Variants in THSD7A observed in about 807,000 individuals in gnomAD.
THSD7A encodes thrombospondin type-1 domain-containing protein 7A.
Under a neutral mutation model 231.3 loss-of-function variants are expected in THSD7A, and 96 were observed. The ratio of observed to expected loss-of-function variants is 0.41; its 90% CI spans 0.35 to 0.49. The LOEUF is 0.49. Among genes scored for constraint, THSD7A ranks in the 20% least tolerant of loss-of-function variants. The probability of loss-of-function intolerance (pLI) is 0.05; values close to 1 mark genes in which losing one functional copy is unlikely to be tolerated. For synonymous variants in THSD7A, 940 were observed against 743.3 expected, an observed-to-expected ratio of 1.26 and a Z score of -4.30; for missense variants, 2,290 against 2,070.2, an observed-to-expected ratio of 1.11 and a Z score of -2.06.
At chr7:11,515,509 A>T (rs1424323967) in intron 6 of THSD7A, among the ~76,000 whole-genome samples, 1 of 152,150 alleles carries the variant, frequency 6.6e-6, no homozygotes, top group African/African-American at 2.4e-5. Flanking sequence ...TCAACAATTA[A>T]TTATGATCTA....
chr7:11,583,759 T>C (rs918191505), intron 4 of THSD7A, among the ~76,000 whole-genome samples: 1 of 152,216 alleles, frequency 6.6e-6, no homozygotes, highest in Non-Finnish European at 1.5e-5. Context: ...AGAGAGTTTT[T>C]GCATTTGTTT....
chr7:11,754,156 C>T (rs965072493), intron 1 of THSD7A, among the ~76,000 whole-genome samples: 2 of 151,828 alleles, frequency 1.3e-5, no homozygotes, highest in Admixed American at 6.6e-5. Context: ...TTTAAATAAT[C>T]TATTACAAAT....
At chr7:11,693,185 G>T (rs1780287249) in intron 1 of THSD7A, among the ~76,000 whole-genome samples, 2 of 151,502 alleles carry the variant, frequency 1.3e-5, no homozygotes, top group African/African-American at 4.8e-5. Context: ...ATTGCATTTT[G>T]ATTATATAGA....
rs191967184 is a variant in THSD7A at position 11,541,665 on chromosome 7, C to T, written c.1610-34G>A. 7.6e-6 allele frequency: 12 copies of T among 1,580,366 alleles called. No individual in the cohort carries two copies. The African/African-American group carries it at 1.2e-4, about 16-fold the overall frequency. ...TGGGGGAAGGAAAAATCTATTGTTA[C>T]TATCAAAGGTTTAGTATTTCAGAAA... On this transcript the variant is annotated intron_variant, in intron 5 of 27. Coordinates refer to ENST00000423059, the MANE Select transcript of THSD7A (RefSeq NM_015204.3).
At chr7:11,818,315 A>G (rs1784772183) in intron 1 of THSD7A, among the ~76,000 whole-genome samples, 1 of 152,236 alleles carries the variant, frequency 6.6e-6, no homozygotes, top group South Asian at 2.1e-4. Flanking sequence ...TGTCCAATAC[A>G]TTTGCTTGGG....
intron 24 of THSD7A, among the ~76,000 whole-genome samples, chr7:11,382,206 G>T (rs1052794241): frequency 6.6e-6 from 1 of 151,962 alleles, no homozygotes; most frequent in African/African-American, 2.4e-5. Flanking sequence ...CATATAGTAA[G>T]TTACTCATAT....
chr7:11,438,225 C>T (rs1164062073), intron 13 of THSD7A, among the ~76,000 whole-genome samples: 2 of 151,978 alleles, frequency 1.3e-5, no homozygotes, highest in Non-Finnish European at 2.9e-5. Context: ...GTGGAATAAG[C>T]AGTAGACTGC....
chr7:11,554,388 C>T (rs10279074), intron 4 of THSD7A, among the ~76,000 whole-genome samples: 1 of 151,852 alleles, frequency 6.6e-6, no homozygotes, highest in Non-Finnish European at 1.5e-5. Context: ...ACCATTTGTT[C>T]CAGTGTTAGG....
At chr7:11,539,520 T>C (rs377655622) in intron 6 of THSD7A, among the ~76,000 whole-genome samples, 15 of 152,340 alleles carry the variant, frequency 9.8e-5, no homozygotes, top group African/African-American at 3.6e-4. Context: ...GAGTTATCAA[T>C]TTGCTTTTTA....
In THSD7A at chr7:11,662,968, A is replaced by T. The variant is rs527693843; in HGVS notation, c.191-26007T>A. The stretch of plus-strand genomic sequence containing the variant: ...ATAAGTAAGAAAGAAGGCTGTAAAA[A>T]CTACAAACTACAATCTAAGTATTCA... On this transcript the variant is annotated intron_variant, in intron 1 of 27. Transcript: ENST00000423059. 2.6e-5 allele frequency among the ~76,000 whole-genome samples: 4 copies of T among 151,482 alleles called. No individual in the cohort carries two copies. The South Asian group carries it at 8.3e-4, about 31-fold the overall frequency.
At chr7:11,755,981 C>T (rs80077619) in intron 1 of THSD7A, among the ~76,000 whole-genome samples, 19,629 of 152,020 alleles carry the variant, frequency 0.13, 1,372 homozygotes, top group South Asian at 0.27. Context: ...ACACAATTTT[C>T]ATGTGCACTT....
chr7:11,748,713 C>T lies in THSD7A; in HGVS notation c.190+83044G>A, dbSNP rs115299783. ...AGGACTTCTTTTTCAGAAACCAAGA[C>T]GTGCTATTAAAGGTACTAAAATATA... On this transcript the variant is annotated intron_variant, in intron 1 of 27. Transcript: ENST00000423059. 9.9e-3 allele frequency among the ~76,000 whole-genome samples: 1,506 copies of T among 151,854 alleles called. 23 individuals carry two copies. Among genetic ancestry groups the T allele is most frequent in the African/African-American group, 0.034 (1,419 of 41,462 alleles).
chr7:11,376,437 G>A, intron 27 of THSD7A, 133 bp downstream of exon 27: 1 of 723,370 alleles, frequency 1.4e-6, no homozygotes, highest in Non-Finnish European at 2.2e-6. Flanking sequence ...GCCCATCTAG[G>A]ACTAAAGCCA....
chr7:11,812,160 A>C, intron 1 of THSD7A, among the ~76,000 whole-genome samples: 1 of 150,856 alleles, frequency 6.6e-6, no homozygotes, highest in Non-Finnish European at 1.5e-5. Flanking sequence ...AGAGAGAGAT[A>C]TGGGGAGAGG....
intron 16 of THSD7A, among the ~76,000 whole-genome samples, chr7:11,419,834 G>C (rs1208488749): frequency 6.6e-6 from 1 of 152,226 alleles, no homozygotes; most frequent in Non-Finnish European, 1.5e-5. Context: ...TTATTGGGAA[G>C]TGGAGTAAAG....
At chr7:11,723,267 T>C (rs1320718637) in intron 1 of THSD7A, among the ~76,000 whole-genome samples, 3 of 145,480 alleles carry the variant, frequency 2.1e-5, no homozygotes, top group African/African-American at 7.7e-5. Context: ...TAGGTGGGAA[T>C]TGAACAATGA....
chr7:11,378,907 A>T (rs1782389567), intron 26 of THSD7A, 163 bp downstream of exon 26: 1 of 654,218 alleles, frequency 1.5e-6, no homozygotes, highest in African/African-American at 1.8e-5. Flanking sequence ...ATTTTCCATA[A>T]TGATAGTAAA....
At chr7:11,698,997 C>A (rs1171674551) in intron 1 of THSD7A, among the ~76,000 whole-genome samples, 1 of 143,678 alleles carries the variant, frequency 7.0e-6, no homozygotes, top group Non-Finnish European at 1.5e-5. Flanking sequence ...TTTGCATTCA[C>A]AATGCCAAGG....
chr7:11,683,669 C>A (rs1297078032), intron 1 of THSD7A, among the ~76,000 whole-genome samples: 1 of 151,730 alleles, frequency 6.6e-6, no homozygotes, highest in Non-Finnish European at 1.5e-5. Flanking sequence ...CAAAATTTAA[C>A]AAGGAAGAAA....
Sources: gnomAD v4.1 joint callset for allele counts (sites outside exome capture counted in the v4.1 genomes callset) on GRCh38, gnomAD v4.1.1 for gene constraint, MANE v1.5 for transcripts, NCBI Gene and HGNC (gene_info 2026-07-23, HGNC 2026-07-21) for gene names.